The following CNTNAP2 variants were observed in gnomAD, a reference collection of about 807,000 sequenced individuals.
The protein encoded by CNTNAP2 is contactin associated protein 2.
Under a neutral mutation model 155.2 loss-of-function variants are expected in CNTNAP2, and 98 were observed. That is an observed-to-expected ratio of 0.63 (90% CI 0.54 to 0.75). The LOEUF is 0.75. Ranked by LOEUF, CNTNAP2 falls within the 30% of genes least tolerant of loss-of-function variation. The probability of loss-of-function intolerance (pLI) is 0.00; values close to 1 mark genes in which losing one functional copy is unlikely to be tolerated. For synonymous variants in CNTNAP2, 651 were observed against 631.2 expected (o/e 1.03, Z -0.47); for missense variants, 1,727 against 1,688.1 (o/e 1.02, Z -0.40).
At chr7:146,665,850 T>C in intron 1 of CNTNAP2, among the ~76,000 whole-genome samples, 1 of 146,486 alleles carries the variant, frequency 6.8e-6, no homozygotes, top group East Asian at 2.0e-4. Context: ...TTTAAAATTA[T>C]ATTGTCTTAA....
intron 1 of CNTNAP2, among the ~76,000 whole-genome samples, chr7:146,583,130 G>A (rs994564657): frequency 6.6e-6 from 1 of 151,970 alleles, no homozygotes; most frequent in African/African-American, 2.4e-5. Flanking sequence ...CACTGCTTAG[G>A]TGGGAAATGT....
chr7:147,093,679 A>G (rs1267144266), intron 4 of CNTNAP2, among the ~76,000 whole-genome samples: 2 of 152,146 alleles, frequency 1.3e-5, no homozygotes, highest in African/African-American at 4.8e-5. Context: ...TTCCATCTCA[A>G]TAGCCCCAAC....
intron 1 of CNTNAP2, among the ~76,000 whole-genome samples, chr7:146,513,235 T>C (rs905364071): frequency 2.0e-5 from 3 of 151,966 alleles, no homozygotes; most frequent in African/African-American, 7.2e-5. Context: ...TAATTGGATC[T>C]TTTAAAAAAT....
At chr7:146,407,853 A>T (rs1318007537) in intron 1 of CNTNAP2, among the ~76,000 whole-genome samples, 1 of 152,072 alleles carries the variant, frequency 6.6e-6, no homozygotes. Flanking sequence ...TGTGAAGATG[A>T]CAAGGATGAA....
At chr7:147,080,705 A>G (rs939302776) in intron 4 of CNTNAP2, among the ~76,000 whole-genome samples, 6 of 147,784 alleles carry the variant, frequency 4.1e-5, no homozygotes, top group Non-Finnish European at 8.9e-5. Flanking sequence ...TAAAATAAAT[A>G]TATATAAATA....
intron 21 of CNTNAP2, among the ~76,000 whole-genome samples, chr7:148,269,114 G>A (rs575592456): frequency 1.2e-4 from 19 of 152,266 alleles, no homozygotes; most frequent in African/African-American, 3.8e-4. Context: ...CAGAAGAGAG[G>A]GGGAAAGCAG....
intron 3 of CNTNAP2, among the ~76,000 whole-genome samples, chr7:147,039,176 A>T (rs541164113): frequency 6.7e-6 from 1 of 148,642 alleles, no homozygotes; most frequent in South Asian, 2.2e-4. Context: ...TTGTATGTGT[A>T]GGTATACATA....
intron 2 of CNTNAP2, among the ~76,000 whole-genome samples, chr7:146,827,641 T>C (rs544064517): frequency 6.6e-6 from 1 of 152,022 alleles, no homozygotes; most frequent in African/African-American, 2.4e-5. Context: ...TTCTGCAGAC[T>C]TTTACTAAGA....
intron 8 of CNTNAP2, among the ~76,000 whole-genome samples, chr7:147,236,676 C>T (rs1044599977): frequency 2.6e-5 from 4 of 151,532 alleles, no homozygotes; most frequent in East Asian, 1.9e-4. Flanking sequence ...TTATTCTGCT[C>T]GGAGCTGGGG....
intron 8 of CNTNAP2, among the ~76,000 whole-genome samples, chr7:147,276,217 C>G (rs1480467895): frequency 8.1e-6 from 1 of 123,864 alleles, no homozygotes; most frequent in Non-Finnish European, 1.7e-5. Flanking sequence ...AGAATGCCTC[C>G]TCCTTAATTT....
intron 13 of CNTNAP2, among the ~76,000 whole-genome samples, chr7:147,869,962 G>C (rs1455151312): frequency 6.6e-6 from 1 of 152,018 alleles, no homozygotes; most frequent in Non-Finnish European, 1.5e-5. Flanking sequence ...TAAATATTTT[G>C]CTAAGGTTGA....
intron 1 of CNTNAP2, among the ~76,000 whole-genome samples, chr7:146,628,909 C>G (rs367727992): frequency 1.4e-4 from 22 of 152,166 alleles, no homozygotes; most frequent in African/African-American, 4.8e-4. Flanking sequence ...ACTTAAATAA[C>G]CTACTGCACA....
intron 13 of CNTNAP2, among the ~76,000 whole-genome samples, chr7:147,738,162 C>A (rs574870752): frequency 2.6e-5 from 4 of 152,180 alleles, no homozygotes; most frequent in African/African-American, 4.8e-5. Context: ...CTTGGAATCG[C>A]CCCCCGAAAT....
chr7:147,960,343 A>G (rs1022504433), intron 14 of CNTNAP2, among the ~76,000 whole-genome samples: 3 of 152,194 alleles, frequency 2.0e-5, no homozygotes, highest in Non-Finnish European at 4.4e-5. Flanking sequence ...TTATGCCGTC[A>G]CTGGCAAAAT....
chr7:146,448,553 T>A (rs192685586), intron 1 of CNTNAP2, among the ~76,000 whole-genome samples: 1 of 152,054 alleles, frequency 6.6e-6, no homozygotes, highest in Non-Finnish European at 1.5e-5. Flanking sequence ...TACATGTGAA[T>A]ATAGGATTTT....
intron 10 of CNTNAP2, among the ~76,000 whole-genome samples, chr7:147,474,197 A>G (rs2116614796): frequency 6.7e-6 from 1 of 150,138 alleles, no homozygotes; most frequent in East Asian, 2.0e-4. Flanking sequence ...GCTGGCAGCT[A>G]TAGAGCTCAC....
At chr7:146,539,778 G>C (rs1023993648) in intron 1 of CNTNAP2, among the ~76,000 whole-genome samples, 1 of 151,988 alleles carries the variant, frequency 6.6e-6, no homozygotes, top group Non-Finnish European at 1.5e-5. Flanking sequence ...TATTATAGAC[G>C]TGTTCTCTTT....
Position 147,044,040 on chromosome 7 carries a change from A to C in CNTNAP2, c.536A>C (p.Tyr179Ser). 1.9e-6 allele frequency: 3 copies of C among 1,614,144 alleles called. No individual in the cohort carries two copies. The highest frequency in any genetic ancestry group is 2.5e-6 in the Non-Finnish European group (3 of 1,180,008). The change falls in exon 4 of 24, where the codon TAT (tyrosine) becomes TCT (serine). Residue 179 changes from tyrosine (Y) to serine (S), a missense_variant. Coordinates refer to ENST00000361727, the MANE Select transcript of CNTNAP2 (RefSeq NM_014141.6). Reference sequence around the variant, plus strand: ...CGCATTGGACTCAGAATTGAAGTTTATGGCTGTTCTTACTGTGAGTATCGT... The same window carrying C: ...CGCATTGGACTCAGAATTGAAGTTTCTGGCTGTTCTTACTGTGAGTATCGT... ...EGRIGLRIEV[Y>S]GCSYWADVIN...
intron 9 of CNTNAP2, among the ~76,000 whole-genome samples, chr7:147,331,316 A>G (rs998771717): frequency 3.3e-5 from 5 of 152,312 alleles, no homozygotes; most frequent in African/African-American, 7.2e-5. Context: ...GAACGGTTCT[A>G]TCACTTAGAA....
Sources: allele counts gnomAD v4.1 joint callset (sites outside exome capture counted in the v4.1 genomes callset), GRCh38; gene constraint gnomAD v4.1.1; transcripts MANE v1.5; gene names NCBI Gene and HGNC (gene_info 2026-07-23, HGNC 2026-07-21).